Variants in CABIN1 observed in about 807,000 individuals in gnomAD.
The protein encoded by CABIN1 is calcineurin binding protein 1, also known as calcineurin-binding protein cabin-1.
In CABIN1, 133 loss-of-function variants were observed where a neutral mutation model predicts 227.7. The ratio of observed to expected loss-of-function variants is 0.58; its 90% CI spans 0.51 to 0.67. The LOEUF is 0.67. CABIN1 is among the 30% of genes least tolerant of loss of function. The probability of loss-of-function intolerance (pLI) is 0.00; values close to 1 mark genes in which losing one functional copy is unlikely to be tolerated. For missense variants in CABIN1, 2,408 were observed against 2,852.5 expected (o/e 0.84, Z 3.55); for synonymous variants, 1,086 against 1,155.1 (o/e 0.94, Z 1.21).
chr22:24,030,443 A>G (rs962017578), intron 1 of CABIN1, among the ~76,000 whole-genome samples: 10 of 152,152 alleles, frequency 6.6e-5, no homozygotes, highest in African/African-American at 1.4e-4. Flanking sequence ...TTCAAGTGAG[A>G]TAATGTGAAT....
intron 28 of CABIN1, among the ~76,000 whole-genome samples, chr22:24,131,361 T>C (rs1307109763): frequency 6.6e-6 from 1 of 152,172 alleles, no homozygotes; most frequent in East Asian, 1.9e-4. Context: ...GCCTGTGCCC[T>C]GGGTCATGAA....
chr22:24,021,172 A>G (rs1313915991), intron 1 of CABIN1, among the ~76,000 whole-genome samples: 4 of 151,108 alleles, frequency 2.6e-5, no homozygotes, highest in African/African-American at 9.7e-5. Flanking sequence ...GCTAATTTTT[A>G]TTTTATTTAT....
chr22:24,050,213 C>G (rs1225464933), intron 7 of CABIN1, among the ~76,000 whole-genome samples: 1 of 152,202 alleles, frequency 6.6e-6, no homozygotes, highest in Non-Finnish European at 1.5e-5. Flanking sequence ...GAGGGAACAT[C>G]TGTCATGAGG....
At position 24,063,156 on chromosome 22, in the gene CABIN1, A is replaced by G. The variant is rs370938554; in HGVS notation, c.1884+10A>G. The stretch of plus-strand genomic sequence containing the variant: ...CTTCCTGGCGCTGCAGGTTAGTTCC[A>G]TGGTCAGCTGCTTGGGGAGCATGCC... On this transcript the variant is annotated intron_variant, in intron 14 of 36. Transcript: ENST00000263119. 42 of 1,613,858 alleles carry G rather than the reference A, an allele frequency of 2.6e-5. No individual in the cohort carries two copies. The highest frequency in any genetic ancestry group is 2.4e-4 in the South Asian group (22 of 91,074).
intron 12 of CABIN1, among the ~76,000 whole-genome samples, chr22:24,061,456 A>G (rs1359707380): frequency 1.3e-5 from 2 of 152,220 alleles, no homozygotes; most frequent in Non-Finnish European, 2.9e-5. Context: ...CCACCAGGCC[A>G]TGCTCCCCTG....
rs981335327 is a variant in CABIN1 at position 24,156,182 on chromosome 22, G to A, written c.4747-8218G>A. ...CGCTGCCCGTCTGGGTCTCCACTTT[G>A]CTGGCGCTTTTGCTCAATCGTCCCC... On this transcript the variant is annotated intron_variant, in intron 29 of 36. Coordinates refer to ENST00000263119, the MANE Select transcript of CABIN1 (RefSeq NM_012295.4). 1.1e-4 allele frequency: 42 copies of A among 391,440 alleles called. 1 individual carries two copies. The highest frequency in any genetic ancestry group is 8.5e-4 in the African/African-American group (41 of 48,308). 24.2% of individuals were successfully genotyped at this position (391,440 alleles called of 1,614,324 possible). A position where few individuals can be genotyped will look rare whatever the true frequency, so the allele number is the denominator to read the frequency against.
intron 6 of CABIN1, among the ~76,000 whole-genome samples, chr22:24,047,334 C>G (rs1240716865): frequency 6.6e-6 from 1 of 152,184 alleles, no homozygotes; most frequent in Non-Finnish European, 1.5e-5. Flanking sequence ...GCCTCTTGTT[C>G]TGAGATTTCC....
At position 24,178,270 on chromosome 22, in the gene CABIN1, G is replaced by T; in HGVS notation, c.*74G>T. Reference sequence around the variant, plus strand: ...GGAATGCCCCCTGGGCAGGACCCTGGGCAGGACCAGAGGCCCACATGGATG... The same window carrying T: ...GGAATGCCCCCTGGGCAGGACCCTGTGCAGGACCAGAGGCCCACATGGATG... On this transcript the variant is annotated 3_prime_UTR_variant, in exon 37 of 37. Coordinates refer to ENST00000263119, the MANE Select transcript of CABIN1 (RefSeq NM_012295.4). The T allele has an allele frequency of 6.3e-7, 1 of 1,585,496 alleles. No homozygotes were observed. Among genetic ancestry groups the T allele is most frequent in the Non-Finnish European group, 8.6e-7 (1 of 1,163,922 alleles).
At chr22:24,089,117 T>C (rs2041368716) in intron 23 of CABIN1, among the ~76,000 whole-genome samples, 1 of 152,180 alleles carries the variant, frequency 6.6e-6, no homozygotes, top group South Asian at 2.1e-4. Flanking sequence ...CTGATCATGG[T>C]TCTTGGGATT....
intron 20 of CABIN1, among the ~76,000 whole-genome samples, chr22:24,083,860 T>TA (rs2040969022): frequency 1.3e-5 from 2 of 152,248 alleles, no homozygotes; most frequent in Non-Finnish European, 2.9e-5. Context: ...AATAATTCCT[T>TA]AGAGGTTTTC....
chr22:24,109,093 G>A (rs2042668631), intron 26 of CABIN1, among the ~76,000 whole-genome samples: 1 of 152,186 alleles, frequency 6.6e-6, no homozygotes. Flanking sequence ...GGAAACTGAA[G>A]TATAAATAAT....
In CABIN1 at chr22:24,063,242, G is replaced by A. The variant is rs2039330268; in HGVS notation, c.1884+96G>A. 3 of 1,165,894 alleles carry A rather than the reference G, an allele frequency of 2.6e-6. No homozygotes were observed. The East Asian group carries it at 7.1e-5, about 28-fold the overall frequency. The allele number at this position is 1,165,894 out of a possible 1,614,324, so 72.2% of individuals were successfully genotyped here. On this transcript the variant is annotated intron_variant, in intron 14 of 36. Coordinates refer to ENST00000263119, the MANE Select transcript of CABIN1 (RefSeq NM_012295.4). Reference sequence around the variant, plus strand: ...GTTGAGGGTGTGTGTGTGTATGTGTGTGTGTGTGTGTGTGTGCATGCATGT... The same window carrying A: ...GTTGAGGGTGTGTGTGTGTATGTGTATGTGTGTGTGTGTGTGCATGCATGT...
intron 23 of CABIN1, among the ~76,000 whole-genome samples, chr22:24,088,453 C>T (rs1016842119): frequency 6.6e-6 from 1 of 152,014 alleles, no homozygotes; most frequent in Admixed American, 6.6e-5. Context: ...ACTAAAAATA[C>T]AAAAATTAGC....
chr22:24,030,676 A>T (rs962069588), intron 1 of CABIN1, among the ~76,000 whole-genome samples: 1 of 152,034 alleles, frequency 6.6e-6, no homozygotes, highest in Non-Finnish European at 1.5e-5. Context: ...TGATCATGGT[A>T]CTCAGGGAGC....
intron 1 of CABIN1, among the ~76,000 whole-genome samples, chr22:24,026,561 T>G (rs1259059262): frequency 2.0e-5 from 3 of 152,072 alleles, no homozygotes; most frequent in Admixed American, 6.5e-5. Context: ...GTATTACATG[T>G]GAATTTTTGG....
At chr22:24,083,107 C>T (rs941434223) in intron 19 of CABIN1, 121 bp from the exon 20 acceptor site, 1 of 993,154 alleles carries the variant, frequency 1.0e-6, no homozygotes, top group Non-Finnish European at 1.6e-6. Context: ...AGGAGCCCAA[C>T]AGACATAGCC....
chr22:24,087,687 G>T lies in CABIN1; in HGVS notation c.3499G>T (p.Glu1167Ter), dbSNP rs746869495. Residue 1167 changes from glutamate to a stop codon, truncating the protein, a stop_gained, in exon 23 of 37, where the codon GAG becomes TAG. Coordinates refer to ENST00000263119, the MANE Select transcript of CABIN1 (RefSeq NM_012295.4). LOFTEE classifies it high-confidence loss of function. ...ACGTCAATTGAAGCAGTGGAGAGGC[G>T]AGCTGCCCCCTGAGCTCGTGCAGCA... Reference protein sequence around the residue: ...ASRQLKQWRGELPPELVQQME... With the variant: ...ASRQLKQWRG The T allele has an allele frequency of 1.2e-6, 2 of 1,614,056 alleles. No homozygotes were observed. The highest frequency in any genetic ancestry group is 1.7e-6 in the Non-Finnish European group (2 of 1,180,024).
intron 19 of CABIN1, 36 bp downstream of exon 19, chr22:24,076,320 C>T (rs200481429): frequency 1.2e-5 from 18 of 1,540,060 alleles, no homozygotes; most frequent in Admixed American, 1.7e-5. Context: ...ACTGCCAGTG[C>T]GGGGCAGGGC....
chr22:24,131,272 C>T (rs543152212), intron 28 of CABIN1, among the ~76,000 whole-genome samples: 71 of 152,336 alleles, frequency 4.7e-4, no homozygotes, highest in African/African-American at 1.6e-3. Context: ...AGAGGTCTTC[C>T]GGACACTTTT....
Sources: gnomAD v4.1 joint callset for allele counts (sites outside exome capture counted in the v4.1 genomes callset) on GRCh38, gnomAD v4.1.1 for gene constraint, MANE v1.5 for transcripts, NCBI Gene and HGNC (gene_info 2026-07-23, HGNC 2026-07-21) for gene names.